Variants in EML6 observed in about 807,000 individuals in gnomAD.
EML6 encodes the protein EMAP like 6, also known as echinoderm microtubule-associated protein-like 6.
In EML6, 154 loss-of-function variants were observed where a neutral mutation model predicts 240.1. The ratio of observed to expected loss-of-function variants is 0.64; its 90% confidence interval spans 0.56 to 0.73. EML6 has a LOEUF of 0.73. Among genes scored for constraint, EML6 ranks in the 30% least tolerant of loss-of-function variants. EML6 has a pLI of 0.00. For missense variants in EML6, 2,964 were observed against 2,474.6 expected (o/e 1.20, Z -4.20); for synonymous variants, 1,148 against 899.0 (o/e 1.28, Z -4.95).
At chr2:54,852,417 G>A (rs1413982444) in intron 10 of EML6, among the ~76,000 whole-genome samples, 1 of 152,096 alleles carries the variant, frequency 6.6e-6, no homozygotes. Flanking sequence ...TTAAACACAT[G>A]TTTATCATTT....
chr2:54,961,184 G>GTTTTTTTTTTT (rs575621987), intron 35 of EML6, among the ~76,000 whole-genome samples: 10 of 55,410 alleles, frequency 1.8e-4, no homozygotes, highest in East Asian at 6.4e-4. Context: ...TCAGGAAGTA[G>GTTTTTTTTTTT]TTTTTTTTTT....
intron 4 of EML6, among the ~76,000 whole-genome samples, chr2:54,819,773 G>GAAAA (rs375657743): frequency 0.13 from 15,564 of 122,792 alleles, 1,317 homozygotes; most frequent in Non-Finnish European, 0.17. Context: ...GACTGTCTCA[G>GAAAA]AAAAAAAAAA....
chr2:54,863,764 G>C lies in EML6; in HGVS notation c.1826-19G>C. 7.2e-7 allele frequency: 1 copy of C among 1,389,588 alleles called. No individual in the cohort carries two copies. The highest frequency in any genetic ancestry group is 9.9e-7 in the Non-Finnish European group (1 of 1,006,864). The allele number at this position is 1,389,588 out of a possible 1,614,324, so 86.1% of individuals were successfully genotyped here. ...GTCTCAGAATTTTTGCTTGTTTCTT[G>C]TGGGTTGTATCTCTGCAGAAGGTGG... On this transcript the variant is annotated intron_variant, in intron 12 of 41. Transcript: ENST00000356458.
At chr2:54,784,302 C>T (rs534971129) in intron 2 of EML6, among the ~76,000 whole-genome samples, 5 of 152,100 alleles carry the variant, frequency 3.3e-5, no homozygotes, top group Non-Finnish European at 7.4e-5. Flanking sequence ...AATCAATTAG[C>T]AAGCAACTAA....
intron 28 of EML6, among the ~76,000 whole-genome samples, chr2:54,942,120 C>T (rs1422722671): frequency 1.3e-5 from 2 of 152,124 alleles, no homozygotes; most frequent in East Asian, 1.9e-4. Context: ...AAAGCAATGA[C>T]TTCTGTCTGA....
chr2:54,839,177 A>G (rs141237377), intron 7 of EML6, among the ~76,000 whole-genome samples: 1 of 152,340 alleles, frequency 6.6e-6, no homozygotes, highest in African/African-American at 2.4e-5. Flanking sequence ...GAACTTTGTC[A>G]GGGATCTGCC....
intron 17 of EML6, among the ~76,000 whole-genome samples, chr2:54,886,839 T>A (rs1179180584): frequency 6.6e-6 from 1 of 152,210 alleles, no homozygotes; most frequent in Non-Finnish European, 1.5e-5. Flanking sequence ...ATTTCACCCA[T>A]GTTCAAGTTT....
chr2:54,754,617 C>T (rs900411609), intron 2 of EML6, among the ~76,000 whole-genome samples: 1 of 152,168 alleles, frequency 6.6e-6, no homozygotes, highest in Non-Finnish European at 1.5e-5. Flanking sequence ...CAAATATCTT[C>T]TCCCATTCTG....
chr2:54,963,946 G>C, intron 36 of EML6, 40 bp from the exon 37 acceptor site: 1 of 1,519,882 alleles, frequency 6.6e-7, no homozygotes, highest in Non-Finnish European at 8.8e-7. Flanking sequence ...CCAGCTGAGG[G>C]GGCCAAGAGC....
At chr2:54,950,898 A>G (rs1030134918) in intron 30 of EML6, 119 bp downstream of exon 30, 30 of 1,066,164 alleles carry the variant, frequency 2.8e-5, no homozygotes, top group Middle Eastern at 5.6e-4. Flanking sequence ...ATTCCCCCCA[A>G]TTCCAGCATG....
intron 2 of EML6, among the ~76,000 whole-genome samples, chr2:54,788,499 A>G (rs1572897133): frequency 6.6e-6 from 1 of 152,330 alleles, no homozygotes; most frequent in South Asian, 2.1e-4. Flanking sequence ...TCTGTGAGAA[A>G]CACTATAAAC....
intron 2 of EML6, among the ~76,000 whole-genome samples, chr2:54,775,784 G>A (rs1668571866): frequency 1.3e-5 from 2 of 152,084 alleles, no homozygotes; most frequent in African/African-American, 2.4e-5. Context: ...TGCCCTTGTG[G>A]AATGGGAATA....
At chr2:54,937,727 G>C (rs1675221308) in intron 28 of EML6, among the ~76,000 whole-genome samples, 1 of 152,072 alleles carries the variant, frequency 6.6e-6, no homozygotes, top group African/African-American at 2.4e-5. Context: ...CAGTTATTCA[G>C]CTGTTTTACC....
At chr2:54,872,047 G>A (rs534191341) in intron 16 of EML6, among the ~76,000 whole-genome samples, 2 of 152,160 alleles carry the variant, frequency 1.3e-5, no homozygotes, top group Admixed American at 6.5e-5. Flanking sequence ...TAGAGAGAAG[G>A]CTGCAAATTA....
At chr2:54,892,166 T>G (rs1672505747) in intron 18 of EML6, among the ~76,000 whole-genome samples, 1 of 152,198 alleles carries the variant, frequency 6.6e-6, no homozygotes, top group Non-Finnish European at 1.5e-5. Flanking sequence ...GATTGCTCTC[T>G]CCAGCCAGAC....
chr2:54,727,004 T>C (rs1682936288), intron 2 of EML6, among the ~76,000 whole-genome samples: 1 of 152,202 alleles, frequency 6.6e-6, no homozygotes, highest in African/African-American at 2.4e-5. Flanking sequence ...AAATGCACTG[T>C]TGAAGCTGAA....
intron 8 of EML6, among the ~76,000 whole-genome samples, 200 bp downstream of exon 8, chr2:54,844,448 A>C (rs1287835225): frequency 1.3e-5 from 2 of 152,240 alleles, no homozygotes; most frequent in East Asian, 3.9e-4. Context: ...AAATCATGGA[A>C]ATGTTTTTTA....
At chr2:54,757,994 G>C (rs1258259717) in intron 2 of EML6, among the ~76,000 whole-genome samples, 1 of 149,102 alleles carries the variant, frequency 6.7e-6, no homozygotes, top group Non-Finnish European at 1.5e-5. Context: ...TTTTCAATTT[G>C]GCAAGAAGCA....
chr2:54,853,609 A>G (rs1046664664), intron 10 of EML6, 34 bp from the exon 11 acceptor site: 11 of 1,270,470 alleles, frequency 8.7e-6, no homozygotes, highest in Middle Eastern at 2.4e-4. Flanking sequence ...TAAACTTTTT[A>G]TTTAAATGTA....
Sources: allele counts gnomAD v4.1 joint callset (sites outside exome capture counted in the v4.1 genomes callset), GRCh38; gene constraint gnomAD v4.1.1; transcripts MANE v1.5; gene names NCBI Gene and HGNC (gene_info 2026-07-23, HGNC 2026-07-21).